Variants in DNAJC6 observed in about 807,000 individuals in gnomAD.
The protein encoded by DNAJC6 is DnaJ heat shock protein family (Hsp40) member C6, also known as auxilin.
In DNAJC6, 34 loss-of-function variants were observed where a neutral mutation model predicts 110.0. The observed-to-expected ratio is 0.31, with a 90% CI of 0.24 to 0.41. The LOEUF is 0.41. Among genes scored for constraint, DNAJC6 ranks in the 10% least tolerant of loss-of-function variants. DNAJC6 has a pLI of 1.00. For synonymous variants in DNAJC6, 406 were observed against 437.2 expected, an observed-to-expected ratio of 0.93 and a Z score of 0.89; for missense variants, 1,031 against 1,207.8, an observed-to-expected ratio of 0.85 and a Z score of 2.17.
At chr1:65,375,471 G>A (rs1557549120) in intron 4 of DNAJC6, among the ~76,000 whole-genome samples, 1 of 151,018 alleles carries the variant, frequency 6.6e-6, no homozygotes, top group African/African-American at 2.4e-5. Context: ...TGTCACCCAG[G>A]CTGGAGTGCA....
intron 1 of DNAJC6, among the ~76,000 whole-genome samples, chr1:65,326,469 T>C (rs1283001318): frequency 6.6e-6 from 1 of 152,170 alleles, no homozygotes; most frequent in Admixed American, 6.5e-5. Context: ...AATAGAATGA[T>C]AAAGGGATGG....
chr1:65,279,560 A>G (rs1653779099), intron 1 of DNAJC6: 2 of 152,172 alleles, frequency 1.3e-5, no homozygotes, highest in African/African-American at 4.8e-5. Context: ...TAAAATATAC[A>G]TCTAATATAT....
At chr1:65,293,539 A>C (rs943104099) in intron 1 of DNAJC6, among the ~76,000 whole-genome samples, 1 of 152,324 alleles carries the variant, frequency 6.6e-6, no homozygotes, top group African/African-American at 2.4e-5. Context: ...TCACAAGGCC[A>C]GCCCAGATTC....
intron 1 of DNAJC6, among the ~76,000 whole-genome samples, chr1:65,281,551 A>G (rs916915303): frequency 2.0e-5 from 3 of 152,206 alleles, no homozygotes; most frequent in Admixed American, 6.5e-5. Flanking sequence ...TAGTGGTTAT[A>G]AAGTTGATGC....
chr1:65,368,721 T>TCTTCTTCTTCTTCTC (rs147574844), intron 4 of DNAJC6, among the ~76,000 whole-genome samples: 72,839 of 110,004 alleles, frequency 0.66, 25,000 homozygotes, highest in African/African-American at 0.87. Flanking sequence ...TTCTTCCTCT[T>TCTTCTTCTTCTTCTC]CTTCTTCTTC....
At chr1:65,374,928 G>A (rs1257311771) in intron 4 of DNAJC6, among the ~76,000 whole-genome samples, 2 of 151,686 alleles carry the variant, frequency 1.3e-5, no homozygotes, top group Admixed American at 6.6e-5. Context: ...GTCATAGATG[G>A]CCATTATTAT....
chr1:65,380,921 G>GTTTTTTTTTTTTTTTTTTT (rs1162044500), intron 5 of DNAJC6, among the ~76,000 whole-genome samples: 3 of 99,356 alleles, frequency 3.0e-5, no homozygotes, highest in African/African-American at 1.6e-4. Flanking sequence ...GTTTTGTTTT[G>GTTTTTTTTTTTTTTTTTTT]TTTTTTTTTT....
At chr1:65,327,491 G>C (rs116741347) in intron 1 of DNAJC6, among the ~76,000 whole-genome samples, 1,651 of 152,120 alleles carry the variant, frequency 0.011, 29 homozygotes, top group African/African-American at 0.038. Flanking sequence ...CTTTTTTTCT[G>C]TTTTAAATAG....
At chr1:65,320,033 T>C (rs6703346) in intron 1 of DNAJC6, among the ~76,000 whole-genome samples, 111,735 of 152,142 alleles carry the variant, frequency 0.73, 41,058 homozygotes, top group East Asian at 0.83. Flanking sequence ...TGTGACTTAG[T>C]TCTCAGTCTG....
Position 65,389,709 on chromosome 1 carries a change from TA to T in DNAJC6, c.1468+83del, listed in dbSNP as rs555883956. 5.0e-4 allele frequency: 737 copies of T among 1,460,446 alleles called. 3 individuals are homozygous for T. The African/African-American group carries it at 8.3e-3, about 16-fold the overall frequency. 90.5% of individuals were successfully genotyped at this position (1,460,446 alleles called of 1,614,324 possible). On this transcript the variant is annotated intron_variant, in intron 11 of 18. Coordinates refer to ENST00000371069, the MANE Select transcript of DNAJC6 (RefSeq NM_001256864.2). ...AAAGATGTTGGCCCTAGAAGCAGAC[TA>T]CATTAAAGCAGCACTTAGAGGTCAT...
In DNAJC6 at chr1:65,309,894, C is replaced by G; in HGVS notation, c.149C>G (p.Pro50Arg). The G allele has an allele frequency of 6.5e-7, 1 of 1,542,552 alleles. No individual in the cohort carries two copies. The highest frequency in any genetic ancestry group is 2.5e-5 in the East Asian group (1 of 40,060). ...RVNAGAAARS[P>R]ARQPPDRAST... ...AACGCCGGGGCAGCGGCGCGGAGTC[C>G]CGCCCGACAGCCTCCGGACCGCGCC... Residue 50 changes from proline (P) to arginine (R), a missense_variant, in exon 1 of 19, where the codon CCC (proline) becomes CGC (arginine). By Grantham distance (103) the Pro-to-Arg change is moderately radical. Coordinates refer to ENST00000371069, the MANE Select transcript of DNAJC6 (RefSeq NM_001256864.2).
chr1:65,303,373 G>GT (rs1011041570), intron 1 of DNAJC6, among the ~76,000 whole-genome samples: 7 of 152,236 alleles, frequency 4.6e-5, no homozygotes, highest in African/African-American at 1.2e-4. Context: ...GGTTATAAAA[G>GT]TTTTTTAACA....
chr1:65,338,902 GGCCTGGTTA>G (rs1645362585), intron 1 of DNAJC6, among the ~76,000 whole-genome samples: 1 of 152,114 alleles, frequency 6.6e-6, no homozygotes, highest in Non-Finnish European at 1.5e-5. Flanking sequence ...CTTTCCATGT[GGCCTGGTTA>G]GCCTCATTCA....
At chr1:65,324,090 T>A (rs2101425821) in intron 1 of DNAJC6, among the ~76,000 whole-genome samples, 1 of 152,256 alleles carries the variant, frequency 6.6e-6, no homozygotes, top group East Asian at 1.9e-4. Flanking sequence ...AGGTGGAGAA[T>A]TTTCTCTCTT....
intron 1 of DNAJC6, among the ~76,000 whole-genome samples, chr1:65,329,759 T>G (rs1645271280): frequency 1.3e-5 from 2 of 152,190 alleles, no homozygotes; most frequent in Admixed American, 6.5e-5. Context: ...GGGACCTGTA[T>G]CCAAGTCTAG....
At position 65,325,745 on chromosome 1, in the gene DNAJC6, A is replaced by G. The variant is rs945457813; in HGVS notation, c.193+15807A>G. 3.9e-5 allele frequency among the ~76,000 whole-genome samples: 6 copies of G among 152,214 alleles called. No individual in the cohort carries two copies. In the South Asian group the frequency reaches 1.0e-3, roughly 26 times the overall value. On this transcript the variant is annotated intron_variant, in intron 1 of 18. Transcript: ENST00000371069. ...GTTCTGAGAAACGCATCTTTGGGCA[A>G]TTTTGTTGTGCAAACATCATAGAGT...
At chr1:65,366,311 T>A in intron 4 of DNAJC6, 115 bp downstream of exon 4, 1 of 1,080,848 alleles carries the variant, frequency 9.3e-7, no homozygotes, top group African/African-American at 1.6e-5. Flanking sequence ...AACTATACAC[T>A]CTGGACACTT....
intron 6 of DNAJC6, 112 bp downstream of exon 6, chr1:65,384,438 A>G: frequency 9.2e-7 from 1 of 1,083,264 alleles, no homozygotes; most frequent in Non-Finnish European, 1.2e-6. Context: ...TTATCTCTGT[A>G]TTAGTCCATT....
In DNAJC6 at chr1:65,359,495, G is replaced by A. The variant is rs564335630; in HGVS notation, c.194-5140G>A. On this transcript the variant is annotated intron_variant, in intron 1 of 18. Coordinates refer to ENST00000371069, the MANE Select transcript of DNAJC6 (RefSeq NM_001256864.2). The stretch of plus-strand genomic sequence containing the variant: ...CAAGAATCTACTTGGAGCCTTAGAG[G>A]CAGTCCTGGACCTTTCTCTTTGGAT... Among the ~76,000 whole-genome samples, 15 of 152,326 alleles carry A rather than the reference G, an allele frequency of 9.8e-5. No homozygotes were observed. In the East Asian group the frequency reaches 2.9e-3, roughly 29 times the overall value.
Sources: gnomAD v4.1 joint callset for allele counts (sites outside exome capture counted in the v4.1 genomes callset) on GRCh38, gnomAD v4.1.1 for gene constraint, MANE v1.5 for transcripts, NCBI Gene and HGNC (gene_info 2026-07-23, HGNC 2026-07-21) for gene names.